MTA3: variants seen among roughly 807,000 people sequenced by gnomAD.
MTA3 encodes metastasis-associated protein MTA3.
MTA3 carries 34 observed loss-of-function variants against 83.5 expected under a neutral mutation model. The observed-to-expected ratio is 0.41, with a 90% CI of 0.31 to 0.54. The LOEUF (loss-of-function observed/expected upper bound fraction) is 0.54, where lower values mean the gene tolerates loss of function less well. MTA3 is among the 20% of genes least tolerant of loss of function. The pLI is 0.33. For synonymous variants in MTA3, 303 were observed against 252.7 expected, an observed-to-expected ratio of 1.20 and a Z score of -1.89; for missense variants, 761 against 726.4, an observed-to-expected ratio of 1.05 and a Z score of -0.55.
chr2:42,648,801 C>T (rs1573468339), intron 6 of MTA3, among the ~76,000 whole-genome samples: 1 of 151,944 alleles, frequency 6.6e-6, no homozygotes, highest in African/African-American at 2.4e-5. Context: ...ATTTGTTCTA[C>T]ATATTAAATT....
chr2:42,555,191 T>C (rs573867164), intron 2 of MTA3, among the ~76,000 whole-genome samples: 7 of 151,748 alleles, frequency 4.6e-5, no homozygotes, highest in South Asian at 2.1e-4. Context: ...AGGCCGGACA[T>C]TGTGGCTCAT....
In MTA3 at chr2:42,570,514, G is replaced by T. The variant is rs1390942433; in HGVS notation, c.96+10G>T. The T allele has an allele frequency of 1.4e-6, 2 of 1,391,324 alleles. No individual in the cohort carries two copies. The highest frequency in any genetic ancestry group is 2.4e-5 in the Admixed American group (1 of 41,764). 86.2% of individuals were successfully genotyped at this position (1,391,324 alleles called of 1,614,324 possible). On this transcript the variant is annotated intron_variant, in intron 2 of 16. Transcript: ENST00000405094. ...AGAAGAACTCAACAAGGTATACACT[G>T]AGTGTTCTTAATTTTAATATTAAAA...
intron 2 of MTA3, among the ~76,000 whole-genome samples, chr2:42,503,959 T>C (rs1339774288): frequency 1.4e-5 from 2 of 142,206 alleles, no homozygotes; most frequent in Non-Finnish European, 3.0e-5. Flanking sequence ...GTTTCCCTCT[T>C]GTCACCCAGG....
At chr2:42,633,424 C>A (rs1159200833) in intron 4 of MTA3, among the ~76,000 whole-genome samples, 1 of 151,866 alleles carries the variant, frequency 6.6e-6, no homozygotes, top group Middle Eastern at 3.4e-3. Flanking sequence ...ACAAAGAATA[C>A]AAAAGTTAGC....
intron 14 of MTA3, among the ~76,000 whole-genome samples, chr2:42,710,808 G>A (rs1030769196): frequency 6.6e-6 from 1 of 152,082 alleles, no homozygotes; most frequent in Admixed American, 6.5e-5. Flanking sequence ...ACCAGTCACG[G>A]TGGCTTACGC....
intron 3 of MTA3, among the ~76,000 whole-genome samples, chr2:42,593,939 G>C (rs1468370701): frequency 7.5e-6 from 1 of 132,724 alleles, no homozygotes; most frequent in Non-Finnish European, 1.5e-5. Flanking sequence ...ATTTTTACCA[G>C]TATAGGATTA....
intron 6 of MTA3, among the ~76,000 whole-genome samples, chr2:42,652,453 GA>G (rs201295677): frequency 0.015 from 2,316 of 152,244 alleles, 60 homozygotes; most frequent in African/African-American, 0.053. Flanking sequence ...TAGCCATCTG[GA>G]AATATACCGA....
chr2:42,718,945 A>C (rs1395779354), intron 14 of MTA3, 43 bp from the exon 15 acceptor site: 1 of 1,423,302 alleles, frequency 7.0e-7, no homozygotes, highest in African/African-American at 1.4e-5. Flanking sequence ...TGGCTAGAGA[A>C]ATCCATTTCA....
intron 3 of MTA3, among the ~76,000 whole-genome samples, chr2:42,591,424 A>C (rs886325683): frequency 5.3e-5 from 8 of 152,276 alleles, no homozygotes; most frequent in Admixed American, 3.9e-4. Context: ...CTTACTAAAC[A>C]CTGTACACTT....
Position 42,704,275 on chromosome 2 carries a change from G to C in MTA3, c.1107G>C (p.Gln369His). 1.2e-6 allele frequency: 2 copies of C among 1,613,998 alleles called. No homozygotes were observed. ...ATGGAGCTGTGGGGACCACGTTCCA[G>C]CCTCAGAATCCTCTCTTAGGGAGAG... ...AVNGAVGTTFQPQNPLLGRAC... is the reference protein window; with the variant it reads ...AVNGAVGTTFHPQNPLLGRAC... The change falls in exon 12 of 17, where the codon CAG (glutamine) becomes CAC (histidine). Residue 369 changes from glutamine (Q) to histidine (H), a missense_variant. Physicochemically the swap from Gln to His is conservative, Grantham distance 24 (BLOSUM62 0). Transcript: ENST00000405094.
At position 42,754,696 on chromosome 2, in the gene MTA3, C is replaced by G. The variant is rs1670119263; in HGVS notation, c.*1297C>G. The G allele has an allele frequency of 1.1e-5, 11 of 985,414 alleles. No individual in the cohort carries two copies. In the South Asian group the frequency reaches 5.2e-4, roughly 46 times the overall value. 61.0% of individuals were successfully genotyped at this position (985,414 alleles called of 1,614,324 possible). A position where few individuals can be genotyped will look rare whatever the true frequency, so the allele number is the denominator to read the frequency against. On this transcript the variant is annotated 3_prime_UTR_variant, in exon 17 of 17. Transcript: ENST00000405094. ...GATCTCCCAGCCATCTCTGGGGTTACTAGGAGGCAGCTGGATGGCAGATAC... is the reference window on the plus strand; with the variant it reads ...GATCTCCCAGCCATCTCTGGGGTTAGTAGGAGGCAGCTGGATGGCAGATAC...
upstream of MTA3, chr2:42,568,385 A>C (rs1678031290): frequency 9.7e-6 from 2 of 205,504 alleles, no homozygotes; most frequent in Admixed American, 5.9e-5. Flanking sequence ...CAGGACCCTG[A>C]CCCCAGGGCC....
chr2:42,594,929 T>A (rs1406943293), intron 3 of MTA3, among the ~76,000 whole-genome samples: 1 of 146,770 alleles, frequency 6.8e-6, no homozygotes, highest in Admixed American at 7.1e-5. Flanking sequence ...CATTTATTTA[T>A]TTTTTAGTAG....
chr2:42,501,373 T>C (rs1674388426), intron 2 of MTA3, among the ~76,000 whole-genome samples: 1 of 152,154 alleles, frequency 6.6e-6, no homozygotes, highest in Non-Finnish European at 1.5e-5. Flanking sequence ...ATAATTTTTT[T>C]CTTATGTCTG....
rs1269627938 is a variant in MTA3, at chr2:42,644,197, G to A, written c.452G>A (p.Arg151Lys). The stretch of plus-strand genomic sequence containing the variant: ...CTATTAGCTGACAAAGGTGAAATCA[G>A]AGTGGGACCTAGATATCAAGCAGAC... ...KTLLADKGEI[R>K]VGPRYQADIP... is the part of the protein sequence containing the mutation. Residue 151 changes from arginine to lysine, a missense_variant, in exon 6 of 17, where the codon AGA becomes AAA. Coordinates refer to ENST00000405094, the MANE Select transcript of MTA3 (RefSeq NM_001330442.2). 1 of 1,613,018 alleles carries A rather than the reference G, an allele frequency of 6.2e-7. No homozygotes were observed. The highest frequency in any genetic ancestry group is 8.5e-7 in the Non-Finnish European group (1 of 1,179,504).
chr2:42,523,351 G>A (rs1370748590), intron 2 of MTA3, among the ~76,000 whole-genome samples: 1 of 152,122 alleles, frequency 6.6e-6, no homozygotes, highest in East Asian at 1.9e-4. Flanking sequence ...CCTCATGATT[G>A]GCAAGAGAGC....
intron 2 of MTA3, among the ~76,000 whole-genome samples, chr2:42,560,183 C>T (rs1456606759): frequency 2.6e-5 from 4 of 152,088 alleles, no homozygotes; most frequent in East Asian, 3.9e-4. Flanking sequence ...CCACCACGCC[C>T]GGCTAATTTT....
chr2:42,543,878 CA>C (rs1381445796), intron 2 of MTA3, among the ~76,000 whole-genome samples: 2 of 151,806 alleles, frequency 1.3e-5, no homozygotes, highest in African/African-American at 2.4e-5. Flanking sequence ...TAATTAGAGA[CA>C]GGGGTCTCAC....
chr2:42,547,656 C>T (rs539218597), intron 2 of MTA3, among the ~76,000 whole-genome samples: 1 of 152,240 alleles, frequency 6.6e-6, no homozygotes, highest in East Asian at 1.9e-4. Context: ...GAACACTCAG[C>T]AGTTGAAGTA....
Sources: allele counts gnomAD v4.1 joint callset (sites outside exome capture counted in the v4.1 genomes callset), GRCh38; gene constraint gnomAD v4.1.1; transcripts MANE v1.5; gene names NCBI Gene and HGNC (gene_info 2026-07-23, HGNC 2026-07-21).